Variants in CRMP1 observed in about 807,000 individuals in gnomAD.
CRMP1 encodes dihydropyrimidinase-related protein 1.
A neutral mutation model predicts 68.3 loss-of-function variants in CRMP1; 19 were observed. The observed-to-expected ratio is 0.28, with a 90% CI of 0.19 to 0.41. The LOEUF is 0.41. CRMP1 is among the 10% of genes least tolerant of loss of function. The pLI is 1.00. For missense variants in CRMP1, 791 were observed against 967.4 expected, an observed-to-expected ratio of 0.82 and a Z score of 2.42; for synonymous variants, 439 against 399.6, an observed-to-expected ratio of 1.10 and a Z score of -1.18.
rs1301964540 is a variant in CRMP1 at position 5,855,061 on chromosome 4, T to C, written c.820+1082A>G. On this transcript the variant is annotated intron_variant, in intron 4 of 13. Coordinates refer to ENST00000324989, the MANE Select transcript of CRMP1 (RefSeq NM_001014809.3). The surrounding 1 kb of genome is among the most constrained non-coding windows in gnomAD (Gnocchi z 4.9). ...TTACAAGCCATTAAAAAGTTATTGA[T>C]GAAAAGTAATTTGACTCATAAAATG... Among the ~76,000 whole-genome samples, 1 of 152,162 alleles carries C rather than the reference T, an allele frequency of 6.6e-6. No individual in the cohort carries two copies. Among genetic ancestry groups the C allele is most frequent in the African/African-American group, 2.4e-5 (1 of 41,416 alleles).
chr4:5,836,700 G>GC, intron 10 of CRMP1, 65 bp downstream of exon 10: 1 of 1,610,704 alleles, frequency 6.2e-7, no homozygotes, highest in Non-Finnish European at 8.5e-7. Flanking sequence ...CGTGCATAAT[G>GC]CATCGGCTTT....
intron 12 of CRMP1, among the ~76,000 whole-genome samples, chr4:5,827,746 C>CACACACACAT (rs1553902562): frequency 0.06 from 9,050 of 152,022 alleles, 421 homozygotes; most frequent in African/African-American, 0.11. Context: ...CACACACACA[C>CACACACACAT]ACACACACGA....
In CRMP1 at chr4:5,861,156, G is replaced by A. The variant is rs752770907; in HGVS notation, c.525C>T (p.Asn175=). The A allele has an allele frequency of 3.5e-5, 57 of 1,614,068 alleles. No homozygotes were observed. Among genetic ancestry groups the A allele is most frequent in the Middle Eastern group, 3.3e-4 (2 of 6,084 alleles). The change falls in exon 3 of 14, where the codon AAC becomes AAT. Residue 175 remains asparagine, a synonymous_variant. Transcript: ENST00000324989. The surrounding 1 kb of genome is among the most constrained non-coding windows in gnomAD (Gnocchi z 6.0). Reference sequence around the variant, plus strand: ...TACCTCCGGGAATAACCATCCGCCCGTTGGCTTCAATGGTCTTCACTCCAC... The same window carrying A: ...TACCTCCGGGAATAACCATCCGCCCATTGGCTTCAATGGTCTTCACTCCAC... ...VPGGVKTIEA[N]GRMVIPGGID...
At chr4:5,873,693 C>T (rs1268662533) in intron 1 of CRMP1, among the ~76,000 whole-genome samples, 1 of 152,206 alleles carries the variant, frequency 6.6e-6, no homozygotes, top group Non-Finnish European at 1.5e-5. Flanking sequence ...CTGGGCACTA[C>T]AATTCAACTT....
rs900667547 is a variant in CRMP1, at chr4:5,859,866, A to T, written c.655+1160T>A. 1.3e-5 allele frequency among the ~76,000 whole-genome samples: 2 copies of T among 152,156 alleles called. No homozygotes were observed. The highest frequency in any genetic ancestry group is 2.9e-5 in the Non-Finnish European group (2 of 68,014). ...ACTCCTTTGTGAAGGAGCGGGAGAGATGGGCAGGGTTGGGGCCAGCTTACA... is the reference window on the plus strand; with the variant it reads ...ACTCCTTTGTGAAGGAGCGGGAGAGTTGGGCAGGGTTGGGGCCAGCTTACA... On this transcript the variant is annotated intron_variant, in intron 3 of 13. Coordinates refer to ENST00000324989, the MANE Select transcript of CRMP1 (RefSeq NM_001014809.3). This position sits in a 1 kb window ranked among gnomAD's most constrained non-coding sequence, Gnocchi z 5.2.
chr4:5,836,890 T>C lies in CRMP1; in HGVS notation c.1327A>G (p.Thr443Ala). ...CTGTAGGGACAGTGGCCGCTGCCTG[T>C]GACCTGCAAGTCCCCACTGGCAAGG... ...SLLACGDLQV[T>A]GSGHCPYSTA... is the part of the protein sequence containing the mutation. The change falls in exon 10 of 14, where the codon ACA (threonine) becomes GCA (alanine). Residue 443 changes from threonine (T) to alanine (A), a missense_variant. By Grantham distance (58) the Thr-to-Ala change is moderately conservative. Transcript: ENST00000324989. 1 of 1,612,270 alleles carries C rather than the reference T, an allele frequency of 6.2e-7. No homozygotes were observed. Among genetic ancestry groups the C allele is most frequent in the African/African-American group, 1.3e-5 (1 of 74,966 alleles).
rs375717313 is a variant in CRMP1 at position 5,825,843 on chromosome 4, T to G, written c.1804-184A>C. ...CACACATGCAGCCGCACACAGGCAT[T>G]CATACACACAAGCATGCATACACAC... On this transcript the variant is annotated intron_variant, in intron 12 of 13. Coordinates refer to ENST00000324989, the MANE Select transcript of CRMP1 (RefSeq NM_001014809.3). This position sits in a 1 kb window ranked among gnomAD's most constrained non-coding sequence, Gnocchi z 4.4. 1.8e-3 allele frequency: 1,086 copies of G among 604,166 alleles called. 14 individuals are homozygous for G. The African/African-American group carries it at 0.024, about 13-fold the overall frequency. 37.4% of individuals were successfully genotyped at this position (604,166 alleles called of 1,614,324 possible). A position where few individuals can be genotyped will look rare whatever the true frequency, so the allele number is the denominator to read the frequency against.
Position 5,888,525 on chromosome 4 carries a change from G to A in CRMP1, c.381+4064C>T, listed in dbSNP as rs1715770168. ...GAGGAGGGAGAGGCGAGGGCGGGAGGAGGGGGCTGCAGACAGCTCCTCCCG... is the reference window on the plus strand; with the variant it reads ...GAGGAGGGAGAGGCGAGGGCGGGAGAAGGGGGCTGCAGACAGCTCCTCCCG... On this transcript the variant is annotated intron_variant, in intron 1 of 13. Coordinates refer to ENST00000324989, the MANE Select transcript of CRMP1 (RefSeq NM_001014809.3). The surrounding 1 kb of genome is among the most constrained non-coding windows in gnomAD (Gnocchi z 6.4). 6 of 1,180,692 alleles carry A rather than the reference G, an allele frequency of 5.1e-6. No homozygotes were observed. Among genetic ancestry groups the A allele is most frequent in the Non-Finnish European group, 4.2e-6 (4 of 955,308 alleles). The allele number at this position is 1,180,692 out of a possible 1,614,324, so 73.1% of individuals were successfully genotyped here.
At chr4:5,864,771 G>A (rs575124548) in intron 2 of CRMP1, among the ~76,000 whole-genome samples, 1 of 152,324 alleles carries the variant, frequency 6.6e-6, no homozygotes, top group South Asian at 2.1e-4. Context: ...CAGAGGGACA[G>A]GGGAAAAGGT....
chr4:5,827,637 AAC>A (rs1249459265), intron 12 of CRMP1, among the ~76,000 whole-genome samples: 8 of 151,644 alleles, frequency 5.3e-5, no homozygotes, highest in South Asian at 2.1e-4. Flanking sequence ...CACACACTCC[AAC>A]ACACGCACAC....
rs755841534 is a variant in CRMP1 at position 5,843,300 on chromosome 4, G to A, written c.964-139C>T. 32 of 748,486 alleles carry A rather than the reference G, an allele frequency of 4.3e-5. No homozygotes were observed. The highest frequency in any genetic ancestry group is 5.5e-5 in the Non-Finnish European group (24 of 436,026). 46.4% of individuals were successfully genotyped at this position (748,486 alleles called of 1,614,324 possible). A position where few individuals can be genotyped will look rare whatever the true frequency, so the allele number is the denominator to read the frequency against. On this transcript the variant is annotated intron_variant, in intron 6 of 13. Transcript: ENST00000324989. This position sits in a 1 kb window ranked among gnomAD's most constrained non-coding sequence, Gnocchi z 4.1. ...GGCTTGCACTAGGTTAACAGTGTGC[G>A]GGGTGGGGGCAGTGAACTGTGTCCC... is the stretch of plus-strand genomic sequence containing the variant.
Position 5,860,299 on chromosome 4 carries a change from G to A in CRMP1, c.655+727C>T, listed in dbSNP as rs575724774. On this transcript the variant is annotated intron_variant, in intron 3 of 13. Transcript: ENST00000324989. This position sits in a 1 kb window ranked among gnomAD's most constrained non-coding sequence, Gnocchi z 4.2. The stretch of plus-strand genomic sequence containing the variant: ...ACCCCCTGCATTCTGCCATCCACCA[G>A]GAGAACAGAGTGGCTGGGGAGTCAC... Among the ~76,000 whole-genome samples the A allele has an allele frequency of 6.6e-6, 1 of 152,298 alleles. No individual in the cohort carries two copies. Among genetic ancestry groups the A allele is most frequent in the African/African-American group, 2.4e-5 (1 of 41,564 alleles).
In CRMP1 at chr4:5,850,426, T is replaced by G. The variant is rs1344863299; in HGVS notation, c.883-954A>C. 6.6e-6 allele frequency among the ~76,000 whole-genome samples: 1 copy of G among 152,206 alleles called. No individual in the cohort carries two copies. The highest frequency in any genetic ancestry group is 2.1e-4 in the South Asian group (1 of 4,832). ...AGCTCTTTGAGTGTCTTTTGTTGACTGTATCAAAGGCCTCCAGGACATCTT... is the reference window on the plus strand; with the variant it reads ...AGCTCTTTGAGTGTCTTTTGTTGACGGTATCAAAGGCCTCCAGGACATCTT... On this transcript the variant is annotated intron_variant, in intron 5 of 13. Transcript: ENST00000324989. This position sits in a 1 kb window ranked among gnomAD's most constrained non-coding sequence, Gnocchi z 4.4.
At chr4:5,856,713 C>T (rs898843664) in intron 3 of CRMP1, among the ~76,000 whole-genome samples, 1 of 151,736 alleles carries the variant, frequency 6.6e-6, no homozygotes, top group Non-Finnish European at 1.5e-5. Flanking sequence ...CTACCACCAC[C>T]GTCATCACTA....
chr4:5,876,745 AC>A (rs1356439965), intron 1 of CRMP1, among the ~76,000 whole-genome samples: 1 of 105,826 alleles, frequency 9.4e-6, no homozygotes, highest in Non-Finnish European at 1.8e-5. Context: ...TCCCCCCACC[AC>A]CCCCCTTCTG....
At position 5,861,627 on chromosome 4, in the gene CRMP1, G is replaced by C. The variant is rs1446354383; in HGVS notation, c.471-417C>G. Among the ~76,000 whole-genome samples, 2 of 152,170 alleles carry C rather than the reference G, an allele frequency of 1.3e-5. No homozygotes were observed. Among genetic ancestry groups the C allele is most frequent in the South Asian group, 2.1e-4 (1 of 4,824 alleles). On this transcript the variant is annotated intron_variant, in intron 2 of 13. Transcript: ENST00000324989. The surrounding 1 kb of genome is among the most constrained non-coding windows in gnomAD (Gnocchi z 6.0). Reference sequence around the variant, plus strand: ...AGGTTAAATTCCAAATGGGGAAGGAGGGAAAAGAGCCTACGAAATGAGAAA... The same window carrying C: ...AGGTTAAATTCCAAATGGGGAAGGACGGAAAAGAGCCTACGAAATGAGAAA...
rs1169647392 is a variant in CRMP1, at chr4:5,891,777, T to C, written c.381+812A>G. Among the ~76,000 whole-genome samples, 2 of 152,190 alleles carry C rather than the reference T, an allele frequency of 1.3e-5. No homozygotes were observed. The highest frequency in any genetic ancestry group is 4.8e-5 in the African/African-American group (2 of 41,452). On this transcript the variant is annotated intron_variant, in intron 1 of 13. Transcript: ENST00000324989. This position sits in a 1 kb window ranked among gnomAD's most constrained non-coding sequence, Gnocchi z 5.2. ...ATCCGCCCTTCTTCCCCCAGTTTCC[T>C]GGTGACCCCCAGCTCAAGAGAGAAT...
At chr4:5,868,271 A>ATATATATATC (rs1714156456) in intron 1 of CRMP1, among the ~76,000 whole-genome samples, 1 of 24,676 alleles carries the variant, frequency 4.1e-5, no homozygotes, top group African/African-American at 1.2e-4. Context: ...CTATATATAT[A>ATATATATATC]TATATATATA....
chr4:5,849,646 C>A (rs1260069743), intron 5 of CRMP1, among the ~76,000 whole-genome samples, 174 bp from the exon 6 acceptor site: 1 of 152,216 alleles, frequency 6.6e-6, no homozygotes, highest in Non-Finnish European at 1.5e-5. Context: ...TTGGAAGGAT[C>A]ATTCCTTGAC....
Sources: allele counts gnomAD v4.1 joint callset (sites outside exome capture counted in the v4.1 genomes callset), GRCh38; gene constraint gnomAD v4.1.1; non-coding constraint Gnocchi (gnomAD v3.1); transcripts MANE v1.5; gene names NCBI Gene and HGNC (gene_info 2026-07-23, HGNC 2026-07-21).